Variants in TP63 observed in about 807,000 individuals in gnomAD.
TP63 encodes tumor protein p63.
TP63 carries 17 observed loss-of-function variants against 82.8 expected under a neutral mutation model. The observed-to-expected ratio is 0.21, with a 90% CI of 0.14 to 0.31. The LOEUF (loss-of-function observed/expected upper bound fraction) is 0.31, where lower values mean the gene tolerates loss of function less well. Ranked by LOEUF, TP63 falls within the 10% of genes least tolerant of loss-of-function variation. The pLI is 1.00. For missense variants in TP63, 648 were observed against 895.3 expected (o/e 0.72, Z 3.52); for synonymous variants, 330 against 321.7 (o/e 1.03, Z -0.28).
intron 1 of TP63, among the ~76,000 whole-genome samples, chr3:189,667,600 C>G (rs919162798): frequency 2.0e-5 from 3 of 151,990 alleles, no homozygotes; most frequent in African/African-American, 7.3e-5. Flanking sequence ...TTTACAAGCT[C>G]AGGAAGAGAC....
At chr3:189,631,693 A>T in intron 1 of TP63, 116 bp downstream of exon 1, 4 of 1,592,566 alleles carry the variant, frequency 2.5e-6, no homozygotes. Flanking sequence ...GCACAGTGAT[A>T]TTATTTTGGA....
At chr3:189,702,174 T>C (rs73892310) in intron 1 of TP63, among the ~76,000 whole-genome samples, 2,036 of 152,238 alleles carry the variant, frequency 0.013, 47 homozygotes, top group African/African-American at 0.047. Context: ...TTACTGAGCT[T>C]CTCTAGTGGG....
Position 189,645,662 on chromosome 3 carries a change from C to A in TP63, c.62+14085C>A, listed in dbSNP as rs533391265. Reference sequence around the variant, plus strand: ...CTAATGCTATCCCTCCCCACTCCCCCACCCCACGACAGGCTCCAGTGTGTG... The same window carrying A: ...CTAATGCTATCCCTCCCCACTCCCCAACCCCACGACAGGCTCCAGTGTGTG... On this transcript the variant is annotated intron_variant, in intron 1 of 13. Transcript: ENST00000264731. Among the ~76,000 whole-genome samples, 8 of 120,716 alleles carry A rather than the reference C, an allele frequency of 6.6e-5. 3 individuals carry two copies. The highest frequency in any genetic ancestry group is 2.4e-4 in the African/African-American group (7 of 29,562). 79.2% of individuals were successfully genotyped at this position (120,716 alleles called of 152,430 possible).
chr3:189,605,418 C>A, the TP63 span, among the ~76,000 whole-genome samples: 1 of 152,108 alleles, frequency 6.6e-6, no homozygotes, highest in Non-Finnish European at 1.5e-5. Flanking sequence ...CAGATATATA[C>A]CATGGTGTCT....
chr3:189,829,990 G>C (rs190786647), intron 4 of TP63: 11 of 284,884 alleles, frequency 3.9e-5, no homozygotes, highest in African/African-American at 2.6e-4. Context: ...ATTGTACATC[G>C]GATGAGCTGT....
At chr3:189,610,390 CT>C in the TP63 span, among the ~76,000 whole-genome samples, 1 of 152,196 alleles carries the variant, frequency 6.6e-6, no homozygotes, top group Non-Finnish European at 1.5e-5. Context: ...GAAATTTCTT[CT>C]GCCAAATACC....
At chr3:189,863,525 A>C (rs1456083379) in intron 4 of TP63, among the ~76,000 whole-genome samples, 1 of 152,146 alleles carries the variant, frequency 6.6e-6, no homozygotes, top group Non-Finnish European at 1.5e-5. Context: ...TGTGAGTGAG[A>C]AGATCTGCAT....
intron 4 of TP63, among the ~76,000 whole-genome samples, chr3:189,816,032 T>C (rs1728149262): frequency 6.6e-6 from 1 of 152,206 alleles, no homozygotes; most frequent in Non-Finnish European, 1.5e-5. Context: ...TTCCTGTGCT[T>C]ATCATTAGAG....
At chr3:189,865,209 G>GA (rs1411196048) in intron 5 of TP63, among the ~76,000 whole-genome samples, 1 of 151,868 alleles carries the variant, frequency 6.6e-6, no homozygotes, top group Admixed American at 6.6e-5. Context: ...GAAGAAAAAG[G>GA]AAAAAAAGAT....
rs144036335 is a variant in TP63 at position 189,806,179 on chromosome 3, TA to T, written c.325-2083del. 1.9e-3 allele frequency among the ~76,000 whole-genome samples: 281 copies of T among 147,908 alleles called. 2 individuals are homozygous for T. Among genetic ancestry groups the T allele is most frequent in the African/African-American group, 5.9e-3 (239 of 40,386 alleles). The stretch of plus-strand genomic sequence containing the variant: ...ACTTTTTTCTTCGTTTATATTGGGT[TA>T]AAAAAAAAATCAAGGGGCCCATGCG... On this transcript the variant is annotated intron_variant, in intron 3 of 13. Transcript: ENST00000264731.
chr3:189,719,278 C>T (rs537752064), intron 1 of TP63, among the ~76,000 whole-genome samples: 22 of 152,252 alleles, frequency 1.4e-4, no homozygotes, highest in African/African-American at 4.3e-4. Flanking sequence ...TAAAACGAAT[C>T]GGTAGCCTTT....
At chr3:189,712,531 T>C (rs1438282518) in intron 1 of TP63, among the ~76,000 whole-genome samples, 1 of 152,122 alleles carries the variant, frequency 6.6e-6, no homozygotes, top group Non-Finnish European at 1.5e-5. Context: ...CCTCACATGG[T>C]GGAAAGGGCA....
chr3:189,843,562 G>A (rs574986870), intron 4 of TP63, among the ~76,000 whole-genome samples: 3 of 152,348 alleles, frequency 2.0e-5, no homozygotes, highest in African/African-American at 7.2e-5. Context: ...GAGGCAGGGA[G>A]AAGTAAATAC....
At chr3:189,641,955 T>A (rs147713188) in intron 1 of TP63, among the ~76,000 whole-genome samples, 3,215 of 152,284 alleles carry the variant, frequency 0.021, 60 homozygotes, top group Non-Finnish European at 0.032. Context: ...AAAACCTGTT[T>A]GTACTATCAT....
intron 3 of TP63, among the ~76,000 whole-genome samples, chr3:189,786,265 A>G (rs1353252342): frequency 2.6e-5 from 4 of 152,022 alleles, no homozygotes; most frequent in Non-Finnish European, 4.4e-5. Context: ...CAAAAATCCT[A>G]ATATTGTAAT....
At chr3:189,839,727 T>TA (rs1236623188) in intron 4 of TP63, among the ~76,000 whole-genome samples, 5 of 152,208 alleles carry the variant, frequency 3.3e-5, no homozygotes, top group African/African-American at 1.2e-4. Context: ...ATCAGGCATT[T>TA]ACCCTGGACC....
intron 3 of TP63, among the ~76,000 whole-genome samples, chr3:189,788,430 C>A (rs1724793214): frequency 6.6e-6 from 1 of 151,976 alleles, no homozygotes; most frequent in African/African-American, 2.4e-5. Flanking sequence ...AACTTTGTTT[C>A]TGAAATGTAT....
At chr3:189,758,490 A>G (rs1722349108) in intron 3 of TP63, among the ~76,000 whole-genome samples, 1 of 152,142 alleles carries the variant, frequency 6.6e-6, no homozygotes, top group Admixed American at 6.5e-5. Context: ...GGGATGCAAG[A>G]CTCCAGAAGT....
chr3:189,736,288 C>G (rs1016965816), intron 1 of TP63, among the ~76,000 whole-genome samples: 11 of 151,996 alleles, frequency 7.2e-5, no homozygotes, highest in Middle Eastern at 3.4e-3. Context: ...ACCTCTCTGG[C>G]TTAATCTCCC....
Sources: allele counts gnomAD v4.1 joint callset (sites outside exome capture counted in the v4.1 genomes callset), GRCh38; gene constraint gnomAD v4.1.1; transcripts MANE v1.5; gene names NCBI Gene and HGNC (gene_info 2026-07-23, HGNC 2026-07-21).